The following TMIGD1 variants were observed in gnomAD, a reference collection of about 807,000 sequenced individuals.
TMIGD1 encodes the protein transmembrane and immunoglobulin domain-containing protein 1.
A neutral mutation model predicts 27.5 loss-of-function variants in TMIGD1; 29 were observed. The ratio of observed to expected loss-of-function variants is 1.05; its 90% confidence interval spans 0.78 to 1.44. The LOEUF (loss-of-function observed/expected upper bound fraction) is 1.44. Ranked by LOEUF, TMIGD1 falls within the 40% of genes most tolerant of loss-of-function variation. TMIGD1 has a pLI of 0.00. For missense variants in TMIGD1, 334 were observed against 310.6 expected (o/e 1.08, Z -0.57); for synonymous variants, 109 against 110.3 (o/e 0.99, Z 0.07).
intron 4 of TMIGD1, among the ~76,000 whole-genome samples, chr17:30,322,466 C>T (rs1367212081): frequency 6.6e-6 from 1 of 152,116 alleles, no homozygotes; most frequent in Non-Finnish European, 1.5e-5. Flanking sequence ...AAAATGAAGC[C>T]ACATGTGACA....
At chr17:30,325,161 C>T (rs1262154840) in intron 3 of TMIGD1, 67 bp from the exon 4 acceptor site, 2 of 1,496,960 alleles carry the variant, frequency 1.3e-6, no homozygotes, top group African/African-American at 2.8e-5. Flanking sequence ...AGTTCAAAGT[C>T]TTCCTTCAAT....
intron 6 of TMIGD1, 190 bp from the exon 7 acceptor site, chr17:30,316,880 T>C (rs1218628195): frequency 3.0e-6 from 2 of 657,470 alleles, no homozygotes; most frequent in Non-Finnish European, 2.7e-6. Context: ...CCTGGCCTTG[T>C]TGTAAAGCAG....
intron 4 of TMIGD1, among the ~76,000 whole-genome samples, chr17:30,323,190 A>G (rs1342187160): frequency 6.6e-6 from 1 of 152,174 alleles, no homozygotes; most frequent in Non-Finnish European, 1.5e-5. Flanking sequence ...AAAGAAAAAG[A>G]AAGAAAAAAG....
intron 4 of TMIGD1, among the ~76,000 whole-genome samples, chr17:30,320,049 T>C (rs903200471): frequency 6.6e-6 from 1 of 152,078 alleles, no homozygotes; most frequent in Non-Finnish European, 1.5e-5. Flanking sequence ...CTATTTTTTT[T>C]TTTTTGAGAC....
At chr17:30,326,535 G>C (rs1909780765) in intron 3 of TMIGD1, among the ~76,000 whole-genome samples, 1 of 152,092 alleles carries the variant, frequency 6.6e-6, no homozygotes, top group Admixed American at 6.5e-5. Flanking sequence ...TCAGTAACTT[G>C]CATGTTTTTG....
At chr17:30,330,699 G>GT (rs1174678533) in intron 2 of TMIGD1, among the ~76,000 whole-genome samples, 3 of 152,042 alleles carry the variant, frequency 2.0e-5, no homozygotes, top group Admixed American at 1.3e-4. Context: ...TACATACCAG[G>GT]TTTTTTTTGT....
chr17:30,327,701 A>G (rs1236309666), intron 3 of TMIGD1, among the ~76,000 whole-genome samples: 2 of 151,974 alleles, frequency 1.3e-5, no homozygotes, highest in African/African-American at 4.8e-5. Flanking sequence ...CTGGGGCTAC[A>G]GATGTGTGCC....
intron 4 of TMIGD1, 92 bp from the exon 5 acceptor site, chr17:30,319,005 T>C: frequency 1.2e-6 from 1 of 861,830 alleles, no homozygotes; most frequent in Non-Finnish European, 1.9e-6. Context: ...ATGTGTGTCA[T>C]CCCCTTAATT....
rs140787102 is a variant in TMIGD1 at position 30,321,914 on chromosome 17, G to A, written c.640+2902C>T. ...CATGATCATGGCTCACTGCAGCGTCGACCTCTAGGGCTTAAGAGATCCTCC... is the reference window on the plus strand; with the variant it reads ...CATGATCATGGCTCACTGCAGCGTCAACCTCTAGGGCTTAAGAGATCCTCC... On this transcript the variant is annotated intron_variant, in intron 4 of 6. Transcript: ENST00000328886. 5.3e-3 allele frequency among the ~76,000 whole-genome samples: 803 copies of A among 151,986 alleles called. 10 individuals carry two copies. The highest frequency in any genetic ancestry group is 0.017 in the African/African-American group (722 of 41,426).
At position 30,324,991 on chromosome 17, in the gene TMIGD1, C is replaced by T; in HGVS notation, c.465G>A (p.Trp155Ter). 1 of 1,614,042 alleles carries T rather than the reference C, an allele frequency of 6.2e-7. No individual in the cohort carries two copies. The highest frequency in any genetic ancestry group is 8.5e-7 in the Non-Finnish European group (1 of 1,179,992). The change falls in exon 4 of 7, where the codon TGG becomes TGA. Residue 155 changes from tryptophan to a stop codon, truncating the protein, a stop_gained. Transcript: ENST00000328886. LOFTEE classifies it high-confidence loss of function. The part of the protein sequence containing the change: ...VKANPQAQMM[W>*]YKNSSLLDLE... The stretch of plus-strand genomic sequence containing the variant: ...AATCGAGGAGACTACTGTTTTTGTA[C>T]CACATCATTTGAGCCTGGGGGTTGG...
At position 30,324,993 on chromosome 17, in the gene TMIGD1, A is replaced by G; in HGVS notation, c.463T>C (p.Trp155Arg). The change falls in exon 4 of 7, where the codon TGG (tryptophan) becomes CGG (arginine). Residue 155 changes from tryptophan to arginine, a missense_variant. Physicochemically the swap from Trp to Arg is moderately radical, Grantham distance 101. Transcript: ENST00000328886. The stretch of plus-strand genomic sequence containing the variant: ...TCGAGGAGACTACTGTTTTTGTACC[A>G]CATCATTTGAGCCTGGGGGTTGGCT... ...VKANPQAQMM[W>R]YKNSSLLDLE... The G allele has an allele frequency of 6.2e-7, 1 of 1,614,132 alleles. No individual in the cohort carries two copies. The highest frequency in any genetic ancestry group is 8.5e-7 in the Non-Finnish European group (1 of 1,179,992).
intron 4 of TMIGD1, 86 bp downstream of exon 4, chr17:30,324,730 T>G: frequency 1.4e-6 from 2 of 1,460,440 alleles, no homozygotes; most frequent in Non-Finnish European, 1.9e-6. Context: ...ATAACCGTTA[T>G]TATCATTTAT....
intron 3 of TMIGD1, among the ~76,000 whole-genome samples, chr17:30,327,113 A>T (rs1260116284): frequency 6.6e-6 from 1 of 152,198 alleles, no homozygotes; most frequent in African/African-American, 2.4e-5. Flanking sequence ...ATTGTTATAA[A>T]CAGAATTTAA....
rs756348371 is a variant in TMIGD1, at chr17:30,325,072, G to A, written c.384C>T (p.Asn128=). 1.4e-5 allele frequency: 23 copies of A among 1,613,378 alleles called. No individual in the cohort carries two copies. Among genetic ancestry groups the A allele is most frequent in the Middle Eastern group, 1.7e-4 (1 of 6,054 alleles). ...TGCCTTCCTCAACTGTTTGGAAGTC[G>A]TTTCCACTTAGGAGAGGAGGAACTG... ...NVTFPPLLSG[N]DFQTVEEGSN... Residue 128 remains asparagine (N), a synonymous_variant, in exon 4 of 7, where the codon AAC becomes AAT. Coordinates refer to ENST00000328886, the MANE Select transcript of TMIGD1 (RefSeq NM_206832.3).
chr17:30,319,261 A>AAAAAAATATAT, intron 4 of TMIGD1, among the ~76,000 whole-genome samples: 1 of 69,068 alleles, frequency 1.4e-5, no homozygotes, highest in African/African-American at 9.1e-5. Context: ...AAAAAAAAAA[A>AAAAAAATATAT]ATATATATAT....
Position 30,326,102 on chromosome 17 carries a change from T to G in TMIGD1, c.362-1008A>C, listed in dbSNP as rs189967281. ...GTTATTAATAACTCTCTCAGAAGAATGACATTTTGTTGCTCTTTGGAATGA... is the reference window on the plus strand; with the variant it reads ...GTTATTAATAACTCTCTCAGAAGAAGGACATTTTGTTGCTCTTTGGAATGA... On this transcript the variant is annotated intron_variant, in intron 3 of 6. Transcript: ENST00000328886. Among the ~76,000 whole-genome samples the G allele has an allele frequency of 5.9e-5, 9 of 152,286 alleles. No homozygotes were observed. The East Asian group carries it at 1.2e-3, about 20-fold the overall frequency.
rs370949679 is a variant in TMIGD1 at position 30,325,025 on chromosome 17, T to C, written c.431A>G (p.Asn144Ser). The change falls in exon 4 of 7, where the codon AAT (asparagine) becomes AGT (serine). Residue 144 changes from asparagine (N) to serine (S), a missense_variant. By Grantham distance (46) the Asn-to-Ser change is conservative. Coordinates refer to ENST00000328886, the MANE Select transcript of TMIGD1 (RefSeq NM_206832.3). ...EEGSNVKLVC[N>S]VKANPQAQMM... is the part of the protein sequence containing the mutation. The stretch of plus-strand genomic sequence containing the variant: ...TTGAGCCTGGGGGTTGGCTTTCACA[T>C]TGCAAACCAACTTCACATTACTGCC... The C allele has an allele frequency of 5.3e-5, 86 of 1,614,010 alleles. No homozygotes were observed. Among genetic ancestry groups the C allele is most frequent in the Non-Finnish European group, 1.7e-5 (20 of 1,179,994 alleles).
chr17:30,332,876 G>A (rs1392696056), intron 1 of TMIGD1, among the ~76,000 whole-genome samples: 1 of 151,932 alleles, frequency 6.6e-6, no homozygotes. Context: ...AACCACATAC[G>A]GAAAACTTTC....
intron 1 of TMIGD1, among the ~76,000 whole-genome samples, chr17:30,332,537 T>C (rs1910014050): frequency 6.6e-6 from 1 of 152,208 alleles, no homozygotes. Context: ...AAAGTTTTTC[T>C]TGGGTCATTT....
Sources: gnomAD v4.1 joint callset for allele counts (sites outside exome capture counted in the v4.1 genomes callset) on GRCh38, gnomAD v4.1.1 for gene constraint, MANE v1.5 for transcripts, NCBI Gene and HGNC (gene_info 2026-07-23, HGNC 2026-07-21) for gene names.